LRRIQ3: variants seen among roughly 807,000 people sequenced by gnomAD.
LRRIQ3 encodes leucine rich repeats and IQ motif containing 3.
Under a neutral mutation model 59.3 loss-of-function variants are expected in LRRIQ3, and 75 were observed. That is an observed-to-expected ratio of 1.26 (90% CI 1.05 to 1.53). LRRIQ3 has a LOEUF of 1.53. Ranked by LOEUF, LRRIQ3 falls within the 40% of genes most tolerant of loss-of-function variation. The probability of loss-of-function intolerance (pLI) is 0.00; values close to 1 mark genes in which losing one functional copy is unlikely to be tolerated. For missense variants in LRRIQ3, 831 were observed against 710.0 expected (o/e 1.17, Z -1.94); for synonymous variants, 250 against 231.3 (o/e 1.08, Z -0.73).
intron 7 of LRRIQ3, among the ~76,000 whole-genome samples, chr1:74,030,606 T>C (rs1351768819): frequency 1.3e-5 from 2 of 152,004 alleles, no homozygotes; most frequent in Admixed American, 1.3e-4. Context: ...ATACAAAAAT[T>C]AATTCAAGAT....
intron 6 of LRRIQ3, among the ~76,000 whole-genome samples, chr1:74,055,504 T>C (rs1202335899): frequency 1.3e-5 from 2 of 152,192 alleles, no homozygotes; most frequent in Non-Finnish European, 2.9e-5. Flanking sequence ...GAATCATCCA[T>C]GTTGTAACAT....
At chr1:74,164,696 T>C (rs1448779427) in intron 3 of LRRIQ3, among the ~76,000 whole-genome samples, 1 of 151,596 alleles carries the variant, frequency 6.6e-6, no homozygotes, top group African/African-American at 2.4e-5. Context: ...ATTTATTCCT[T>C]TTACAAAGTA....
chr1:74,066,340 G>T (rs946671083), intron 6 of LRRIQ3, among the ~76,000 whole-genome samples: 1 of 151,948 alleles, frequency 6.6e-6, no homozygotes, highest in Admixed American at 6.6e-5. Flanking sequence ...CAATAATAAT[G>T]AAAATTAGAT....
chr1:74,142,709 A>T (rs913513842), intron 4 of LRRIQ3, among the ~76,000 whole-genome samples: 57 of 152,036 alleles, frequency 3.7e-4, no homozygotes, highest in African/African-American at 1.4e-3. Flanking sequence ...CTGAACCCAT[A>T]AAGAAGCAGA....
intron 5 of LRRIQ3, chr1:74,082,538 T>C (rs1380047172): frequency 6.6e-6 from 1 of 151,552 alleles, no homozygotes; most frequent in East Asian, 1.9e-4. Flanking sequence ...TTTCTAAGTA[T>C]ATTTGAACAA....
chr1:74,183,295 C>T (rs1650123341), intron 2 of LRRIQ3, 141 bp downstream of exon 2: 3 of 668,532 alleles, frequency 4.5e-6, no homozygotes, highest in Non-Finnish European at 7.1e-6. Flanking sequence ...ATCTTACATG[C>T]TTTTAATTTA....
intron 3 of LRRIQ3, among the ~76,000 whole-genome samples, chr1:74,167,249 C>T (rs546920367): frequency 1.7e-4 from 26 of 151,876 alleles, no homozygotes; most frequent in African/African-American, 6.3e-4. Flanking sequence ...ATGTGGTATA[C>T]ATATACCATG....
chr1:74,037,440 C>T (rs114388647), intron 7 of LRRIQ3, among the ~76,000 whole-genome samples: 89 of 152,174 alleles, frequency 5.8e-4, no homozygotes, highest in African/African-American at 2.1e-3. Flanking sequence ...GAGCTGGAGA[C>T]CAGTCTGGCC....
intron 1 of LRRIQ3, among the ~76,000 whole-genome samples, chr1:74,191,659 TAC>T (rs1270268144): frequency 1.3e-5 from 2 of 152,186 alleles, no homozygotes; most frequent in East Asian, 3.9e-4. Flanking sequence ...AATTCCAAAA[TAC>T]TTGGGAGATT....
At chr1:74,073,619 A>AC (rs1315814154) in intron 6 of LRRIQ3, among the ~76,000 whole-genome samples, 4 of 62,064 alleles carry the variant, frequency 6.4e-5, no homozygotes, top group Non-Finnish European at 1.7e-4. Context: ...TTAAAAAAAA[A>AC]AAAAAACAGT....
chr1:74,041,254 T>G lies in LRRIQ3; in HGVS notation c.1677A>C (p.Glu559Asp), dbSNP rs763415752. ...CTTTAAGTAAATTCTTTCTATATTTTTCTGCTTTTAGTTTTTGCTTAACAA... is the reference window on the plus strand; with the variant it reads ...CTTTAAGTAAATTCTTTCTATATTTGTCTGCTTTTAGTTTTTGCTTAACAA... ...SLIVKQKLKA[E>D]KYRKNLLKEM... Residue 559 changes from glutamate to aspartate, a missense_variant, in exon 7 of 8, where the codon GAA (glutamate) becomes GAC (aspartate). Transcript: ENST00000354431. The G allele has an allele frequency of 6.3e-7, 1 of 1,592,500 alleles. No homozygotes were observed. The highest frequency in any genetic ancestry group is 2.2e-5 in the East Asian group (1 of 44,710).
chr1:74,118,016 A>C (rs1479024585), intron 4 of LRRIQ3, among the ~76,000 whole-genome samples: 1 of 152,112 alleles, frequency 6.6e-6, no homozygotes, highest in Non-Finnish European at 1.5e-5. Context: ...AAACATAACC[A>C]TTTAAAAGAA....
In LRRIQ3 at chr1:74,041,241, T is replaced by C. The variant is rs1177108311; in HGVS notation, c.1690A>G (p.Asn564Asp). ...QKLKAEKYRK[N>D]LLKEMKKVRS... Reference sequence around the variant, plus strand: ...ACTTTTTTCATTTCTTTAAGTAAATTCTTTCTATATTTTTCTGCTTTTAGT... The same window carrying C: ...ACTTTTTTCATTTCTTTAAGTAAATCCTTTCTATATTTTTCTGCTTTTAGT... The change falls in exon 7 of 8, where the codon AAT (asparagine) becomes GAT (aspartate). Residue 564 changes from asparagine (N) to aspartate (D), a missense_variant. Transcript: ENST00000354431. 6 of 1,585,314 alleles carry C rather than the reference T, an allele frequency of 3.8e-6. No individual in the cohort carries two copies. The highest frequency in any genetic ancestry group is 2.7e-5 in the African/African-American group (2 of 73,220).
chr1:74,087,205 A>T (rs748524397), intron 5 of LRRIQ3, among the ~76,000 whole-genome samples: 2 of 151,956 alleles, frequency 1.3e-5, no homozygotes, highest in Non-Finnish European at 2.9e-5. Flanking sequence ...GTTCATTAAC[A>T]GCCCTATCCA....
intron 5 of LRRIQ3, among the ~76,000 whole-genome samples, chr1:74,098,962 A>C (rs1646489956): frequency 1.3e-5 from 2 of 152,200 alleles, no homozygotes; most frequent in African/African-American, 4.8e-5. Context: ...GGAAAGATCT[A>C]AAATTGACAC....
chr1:74,065,894 A>G (rs1422378566), intron 6 of LRRIQ3, among the ~76,000 whole-genome samples: 2 of 152,126 alleles, frequency 1.3e-5, no homozygotes, highest in Admixed American at 1.3e-4. Flanking sequence ...ATTCAACTAC[A>G]TAAAAACTGA....
At chr1:74,031,640 A>T (rs1274721611) in intron 7 of LRRIQ3, among the ~76,000 whole-genome samples, 1 of 151,738 alleles carries the variant, frequency 6.6e-6, no homozygotes, top group East Asian at 1.9e-4. Flanking sequence ...GAGGGATAGC[A>T]TTAGGAGATA....
chr1:74,117,729 G>A (rs370738762), intron 4 of LRRIQ3, among the ~76,000 whole-genome samples: 18 of 152,158 alleles, frequency 1.2e-4, no homozygotes, highest in East Asian at 7.8e-4. Flanking sequence ...TCGCACCACC[G>A]CACTCCAGTC....
In LRRIQ3 at chr1:74,190,969, T is replaced by C. The variant is rs944913051; in HGVS notation, c.-1+7027A>G. ...CTCTCTTGTCTGCCGCCATGTAAGA[T>C]ATGCCTTCCACCTTCTGTCATGATG... is the stretch of plus-strand genomic sequence containing the variant. On this transcript the variant is annotated intron_variant, in intron 1 of 7. Transcript: ENST00000354431. 5.9e-5 allele frequency among the ~76,000 whole-genome samples: 9 copies of C among 152,270 alleles called. No homozygotes were observed. The South Asian group carries it at 1.4e-3, about 24-fold the overall frequency.
Sources: allele counts gnomAD v4.1 joint callset (sites outside exome capture counted in the v4.1 genomes callset), GRCh38; gene constraint gnomAD v4.1.1; transcripts MANE v1.5; gene names NCBI Gene and HGNC (gene_info 2026-07-23, HGNC 2026-07-21).